Variants in RASEF observed in about 807,000 individuals in gnomAD.
RASEF encodes RAS and EF-hand domain containing, also known as ras and EF-hand domain-containing protein.
In RASEF, 68 loss-of-function variants were observed where a neutral mutation model predicts 90.1. That is an observed-to-expected ratio of 0.75 (90% CI 0.62 to 0.92). RASEF has a LOEUF of 0.92. Among genes scored for constraint, RASEF ranks in the 40% least tolerant of loss-of-function variants. The pLI is 0.00. For synonymous variants in RASEF, 331 were observed against 345.2 expected (o/e 0.96, Z 0.46); for missense variants, 949 against 937.2 (o/e 1.01, Z -0.16).
the RASEF span, among the ~76,000 whole-genome samples, chr9:83,142,773 T>C: frequency 3.3e-5 from 5 of 152,174 alleles, no homozygotes; most frequent in Non-Finnish European, 7.3e-5. Flanking sequence ...ATTTTTACAT[T>C]TAAAAAACTT....
chr9:83,155,898 G>T, the RASEF span, among the ~76,000 whole-genome samples: 1 of 152,166 alleles, frequency 6.6e-6, no homozygotes, highest in Admixed American at 6.6e-5. Flanking sequence ...TTCCAGGACA[G>T]CAGTTTGGTG....
upstream of RASEF, among the ~76,000 whole-genome samples, chr9:83,064,635 A>C (rs1317804485): frequency 1.3e-5 from 2 of 152,202 alleles, no homozygotes; most frequent in African/African-American, 4.8e-5. Context: ...GCTTAGGAAG[A>C]AGTGCTTTTT....
At chr9:83,218,522 TG>T in the RASEF span, among the ~76,000 whole-genome samples, 1 of 151,802 alleles carries the variant, frequency 6.6e-6, no homozygotes, top group Non-Finnish European at 1.5e-5. Context: ...CCACAGACCG[TG>T]GGGGTAGGAC....
At chr9:83,106,384 T>C in the RASEF span, among the ~76,000 whole-genome samples, 1 of 152,298 alleles carries the variant, frequency 6.6e-6, no homozygotes, top group South Asian at 2.1e-4. Flanking sequence ...CCAGCAATGA[T>C]CATCTACCCC....
At chr9:83,133,915 A>C in the RASEF span, among the ~76,000 whole-genome samples, 1 of 152,180 alleles carries the variant, frequency 6.6e-6, no homozygotes, top group Non-Finnish European at 1.5e-5. Flanking sequence ...CAAATAAGAA[A>C]CCAATGCTTA....
the RASEF span, among the ~76,000 whole-genome samples, chr9:83,169,745 T>G: frequency 5.9e-5 from 9 of 152,276 alleles, no homozygotes; most frequent in Admixed American, 5.9e-4. Context: ...GTATGTCTTC[T>G]TTTGGGAAAT....
At chr9:83,017,912 T>G (rs1829372875) in intron 3 of RASEF, among the ~76,000 whole-genome samples, 1 of 152,178 alleles carries the variant, frequency 6.6e-6, no homozygotes, top group African/African-American at 2.4e-5. Context: ...TCAATGTAAT[T>G]TGCCACATTA....
the RASEF span, among the ~76,000 whole-genome samples, chr9:83,126,341 C>A: frequency 2.0e-5 from 3 of 152,084 alleles, no homozygotes; most frequent in Non-Finnish European, 4.4e-5. Flanking sequence ...TGTTTGCAAG[C>A]CCAAAAGAGA....
chr9:83,188,226 C>T, the RASEF span, among the ~76,000 whole-genome samples: 2 of 152,090 alleles, frequency 1.3e-5, no homozygotes, highest in South Asian at 4.1e-4. Context: ...GATTGATGAA[C>T]AAATGAATAA....
At chr9:83,178,991 C>T in the RASEF span, among the ~76,000 whole-genome samples, 1 of 152,150 alleles carries the variant, frequency 6.6e-6, no homozygotes, top group Non-Finnish European at 1.5e-5. Context: ...AAAACTATTG[C>T]ATTAGCACCA....
At chr9:83,009,814 ATGAAG>A (rs1829207531) in intron 5 of RASEF, 58 bp from the exon 6 acceptor site, 1 of 1,080,962 alleles carries the variant, frequency 9.3e-7, no homozygotes, top group Admixed American at 1.8e-5. Flanking sequence ...CCTGGGAGAA[ATGAAG>A]TAAAGTGTCC....
intron 1 of RASEF, among the ~76,000 whole-genome samples, chr9:83,042,206 T>C (rs1236082029): frequency 6.6e-6 from 1 of 152,194 alleles, no homozygotes; most frequent in Non-Finnish European, 1.5e-5. Flanking sequence ...AAAATAGGAA[T>C]AAATGCCTAA....
intron 1 of RASEF, among the ~76,000 whole-genome samples, chr9:83,060,094 C>A (rs554002174): frequency 1.9e-4 from 29 of 152,196 alleles, no homozygotes; most frequent in Non-Finnish European, 3.4e-4. Context: ...AATATCCGTT[C>A]CTCTCAAACT....
the RASEF span, among the ~76,000 whole-genome samples, chr9:83,136,956 C>A: frequency 2.6e-5 from 4 of 151,826 alleles, no homozygotes; most frequent in Admixed American, 2.6e-4. Context: ...TTTACTTCTT[C>A]AAAAATGAAA....
intron 15 of RASEF, among the ~76,000 whole-genome samples, chr9:82,991,118 C>G (rs548832605): frequency 6.6e-6 from 1 of 152,122 alleles, no homozygotes; most frequent in African/African-American, 2.4e-5. Flanking sequence ...TCACTCATCC[C>G]CCACTCACTC....
intron 16 of RASEF, among the ~76,000 whole-genome samples, chr9:82,983,329 G>T (rs1828651855): frequency 6.6e-6 from 1 of 152,098 alleles, no homozygotes; most frequent in African/African-American, 2.4e-5. Flanking sequence ...GATCATGGAG[G>T]TAACAATGGA....
intron 1 of RASEF, chr9:83,048,082 G>A (rs560497339): frequency 1.0e-6 from 1 of 980,432 alleles, no homozygotes; most frequent in African/African-American, 1.7e-5. Flanking sequence ...GGCTCTTACT[G>A]GCCGTAGACT....
chr9:83,166,288 A>G, the RASEF span, among the ~76,000 whole-genome samples: 1 of 152,168 alleles, frequency 6.6e-6, no homozygotes, highest in Admixed American at 6.6e-5. Flanking sequence ...TGGATACAGC[A>G]ATGTATTTAA....
Position 83,009,634 on chromosome 9 carries a change from T to G in RASEF, c.959+7A>C. 6.5e-7 allele frequency: 1 copy of G among 1,533,180 alleles called. No individual in the cohort carries two copies. Among genetic ancestry groups the G allele is most frequent in the Non-Finnish European group, 9.0e-7 (1 of 1,107,666 alleles). The allele number at this position is 1,533,180 out of a possible 1,614,324, so 95.0% of individuals were successfully genotyped here. On this transcript the variant is annotated splice_region_variant and intron_variant, in intron 6 of 16. Transcript: ENST00000376447. ...TCAAACTAACAAATAAAATGCAAAG[T>G]TCATACCTTTCAGTATTCAGACTCT...
Sources: allele counts gnomAD v4.1 joint callset (sites outside exome capture counted in the v4.1 genomes callset), GRCh38; gene constraint gnomAD v4.1.1; transcripts MANE v1.5; gene names NCBI Gene and HGNC (gene_info 2026-07-23, HGNC 2026-07-21).